EPS15L1: variants seen among roughly 807,000 people sequenced by gnomAD.
EPS15L1 encodes epidermal growth factor receptor substrate 15-like 1.
In EPS15L1, 43 loss-of-function variants were observed where a neutral mutation model predicts 117.1. The observed-to-expected ratio is 0.37, with a 90% CI of 0.29 to 0.47. EPS15L1 has a LOEUF of 0.47. EPS15L1 is among the 20% of genes least tolerant of loss of function. The pLI is 0.99. For synonymous variants in EPS15L1, 459 were observed against 470.5 expected, an observed-to-expected ratio of 0.98 and a Z score of 0.32; for missense variants, 981 against 1,164.0, an observed-to-expected ratio of 0.84 and a Z score of 2.29.
chr19:16,435,075 C>A (rs1184017559), intron 6 of EPS15L1: 1 of 152,206 alleles, frequency 6.6e-6, no homozygotes, highest in African/African-American at 2.4e-5. Context: ...CTCGTACCTC[C>A]CGAGTAGCTG....
intron 22 of EPS15L1, among the ~76,000 whole-genome samples, chr19:16,364,792 G>C (rs1331603435): frequency 6.6e-6 from 1 of 152,146 alleles, no homozygotes; most frequent in African/African-American, 2.4e-5. Context: ...GAGCAGGATG[G>C]AGGGTGGGCG....
chr19:16,403,235 C>CA (rs968049080), intron 15 of EPS15L1, among the ~76,000 whole-genome samples: 1 of 152,190 alleles, frequency 6.6e-6, no homozygotes, highest in African/African-American at 2.4e-5. Flanking sequence ...CCAGCGCCCC[C>CA]CCCTGGACTG....
chr19:16,445,154 G>A (rs1257767774), intron 1 of EPS15L1, among the ~76,000 whole-genome samples: 4 of 152,322 alleles, frequency 2.6e-5, no homozygotes, highest in South Asian at 2.1e-4. Flanking sequence ...CTTCCCAGGC[G>A]CTAATGAGCA....
At chr19:16,459,158 C>CA (rs1180129281) in intron 1 of EPS15L1, among the ~76,000 whole-genome samples, 1 of 152,256 alleles carries the variant, frequency 6.6e-6, no homozygotes, top group Non-Finnish European at 1.5e-5. Context: ...AGCACTGTCA[C>CA]ATATGCAGTC....
chr19:16,451,609 A>G (rs1352959743), intron 1 of EPS15L1, among the ~76,000 whole-genome samples: 2 of 151,056 alleles, frequency 1.3e-5, no homozygotes, highest in Admixed American at 6.6e-5. Flanking sequence ...ACTCACTGCA[A>G]GCTCCACCTC....
chr19:16,469,094 C>T (rs910487234), intron 1 of EPS15L1, among the ~76,000 whole-genome samples: 3 of 152,040 alleles, frequency 2.0e-5, no homozygotes, highest in Non-Finnish European at 2.9e-5. Flanking sequence ...AGTAGAATGG[C>T]CCAGACCACT....
intron 1 of EPS15L1, among the ~76,000 whole-genome samples, chr19:16,470,230 T>A (rs78860807): frequency 1.3e-5 from 2 of 150,336 alleles, no homozygotes; most frequent in South Asian, 4.2e-4. Flanking sequence ...AAAAAAAAAA[T>A]ACAAAAATTA....
chr19:16,452,882 C>CG (rs1424664485), intron 1 of EPS15L1, among the ~76,000 whole-genome samples: 3 of 151,920 alleles, frequency 2.0e-5, no homozygotes, highest in Non-Finnish European at 4.4e-5. Flanking sequence ...CTGCAAGCTC[C>CG]GCCTCCCCGG....
At position 16,355,318 on chromosome 19, in the gene EPS15L1, G is replaced by GA. The variant is rs2144605949; in HGVS notation, c.*386dup. The GA allele has an allele frequency of 4.5e-6, 1 of 221,310 alleles. No individual in the cohort carries two copies. Among genetic ancestry groups the GA allele is most frequent in the East Asian group, 9.7e-5 (1 of 10,270 alleles). 13.7% of individuals were successfully genotyped at this position (221,310 alleles called of 1,614,324 possible). On this transcript the variant is annotated 3_prime_UTR_variant, in exon 24 of 24. Coordinates refer to ENST00000455140, the MANE Select transcript of EPS15L1 (RefSeq NM_001258374.3). ...ACAACGAGTGCATACACCACTGGGG[G>GA]AGTGTCTGACTGATGCGTGGGAGGG...
rs1259565491 is a variant in EPS15L1, at chr19:16,379,070, G to A, written c.2248-1816C>T. Among the ~76,000 whole-genome samples, 8 of 152,154 alleles carry A rather than the reference G, an allele frequency of 5.3e-5. No individual in the cohort carries two copies. The South Asian group carries it at 1.0e-3, about 20-fold the overall frequency. On this transcript the variant is annotated intron_variant, in intron 21 of 23. Coordinates refer to ENST00000455140, the MANE Select transcript of EPS15L1 (RefSeq NM_001258374.3). ...TGTAATCCCAGCACTTTGGGAGGCC[G>A]AGGCGGGCAGATCACGAGGTTAGGA...
chr19:16,428,808 G>A (rs1402648055), intron 7 of EPS15L1, 47 bp from the exon 8 acceptor site: 1 of 1,481,128 alleles, frequency 6.8e-7, no homozygotes, highest in Non-Finnish European at 9.3e-7. Context: ...GAAGGACTGG[G>A]TGAGAGTGAG....
chr19:16,431,587 C>T (rs951387172), intron 7 of EPS15L1, among the ~76,000 whole-genome samples: 2 of 152,080 alleles, frequency 1.3e-5, no homozygotes, highest in Non-Finnish European at 2.9e-5. Flanking sequence ...CATGCGTGAG[C>T]CACCGTACCG....
intron 22 of EPS15L1, among the ~76,000 whole-genome samples, chr19:16,366,553 G>A (rs990389561): frequency 6.6e-5 from 10 of 152,124 alleles, no homozygotes; most frequent in African/African-American, 1.9e-4. Flanking sequence ...CTCTGTTGCC[G>A]AAACCGTTGT....
At chr19:16,430,179 GA>G (rs2092913804) in intron 7 of EPS15L1, among the ~76,000 whole-genome samples, 1 of 152,182 alleles carries the variant, frequency 6.6e-6, no homozygotes, top group South Asian at 2.1e-4. Flanking sequence ...ACCTCTTCTA[GA>G]AAGTCTTCCC....
At position 16,412,826 on chromosome 19, in the gene EPS15L1, G is replaced by A. The variant is rs572283943; in HGVS notation, c.1266+947C>T. 195 of 511,230 alleles carry A rather than the reference G, an allele frequency of 3.8e-4. 2 individuals carry two copies. Among genetic ancestry groups the A allele is most frequent in the East Asian group, 7.8e-4 (16 of 20,390 alleles). 31.7% of individuals were successfully genotyped at this position (511,230 alleles called of 1,614,324 possible). On this transcript the variant is annotated intron_variant, in intron 13 of 23. Transcript: ENST00000455140. The stretch of plus-strand genomic sequence containing the variant: ...CGCGGCCGTGGACAGCACCGGAGCC[G>A]GGACCAAGGCCACGGAGCTTGCAGA...
rs551547231 is a variant in EPS15L1 at position 16,449,982 on chromosome 19, G to A, written c.34-7763C>T. ...AGAAATGAACAGAGTGGTGGTTGCC[G>A]GGGATAAGGAAGAGATGGGCTGGGA... On this transcript the variant is annotated intron_variant, in intron 1 of 23. Transcript: ENST00000455140. Among the ~76,000 whole-genome samples the A allele has an allele frequency of 5.0e-4, 76 of 152,184 alleles. 1 individual carries two copies. The South Asian group carries it at 0.015, about 31-fold the overall frequency.
chr19:16,427,404 G>C (rs915341128), intron 8 of EPS15L1, among the ~76,000 whole-genome samples: 1 of 152,122 alleles, frequency 6.6e-6, no homozygotes, highest in African/African-American at 2.4e-5. Flanking sequence ...TACACTTACT[G>C]GTTCAGCATT....
At chr19:16,423,824 G>A (rs2092840971) in intron 9 of EPS15L1, among the ~76,000 whole-genome samples, 3 of 152,328 alleles carry the variant, frequency 2.0e-5, no homozygotes, top group South Asian at 4.1e-4. Flanking sequence ...CAGACAAGCT[G>A]AGCTGTGGCG....
At chr19:16,386,730 C>G (rs1373941646) in intron 19 of EPS15L1, among the ~76,000 whole-genome samples, 1 of 152,188 alleles carries the variant, frequency 6.6e-6, no homozygotes, top group South Asian at 2.1e-4. Context: ...CCACTCTCCC[C>G]CAAGTCTCAG....
Sources: allele counts gnomAD v4.1 joint callset (sites outside exome capture counted in the v4.1 genomes callset), GRCh38; gene constraint gnomAD v4.1.1; transcripts MANE v1.5; gene names NCBI Gene and HGNC (gene_info 2026-07-23, HGNC 2026-07-21).